GBF1: variants seen among roughly 807,000 people sequenced by gnomAD.
The protein encoded by GBF1 is golgi brefeldin A resistant guanine nucleotide exchange factor 1.
A neutral mutation model predicts 210.5 loss-of-function variants in GBF1; 114 were observed. The ratio of observed to expected loss-of-function variants is 0.54; its 90% CI spans 0.47 to 0.63. GBF1 has a LOEUF of 0.63. GBF1 is among the 30% of genes least tolerant of loss of function. The pLI, the probability that GBF1 is intolerant of heterozygous loss-of-function variation, is 0.00. For synonymous variants in GBF1, 850 were observed against 889.2 expected (o/e 0.96, Z 0.78); for missense variants, 1,851 against 2,357.7 (o/e 0.79, Z 4.45).
At chr10:102,351,195 G>A in intron 4 of GBF1, 61 bp from the exon 5 acceptor site, 1 of 940,360 alleles carries the variant, frequency 1.1e-6, no homozygotes, top group Non-Finnish European at 1.7e-6. Context: ...TAGACAGGCT[G>A]CCTTACCTTT....
At chr10:102,303,300 T>C (rs2077556524) in intron 3 of GBF1, among the ~76,000 whole-genome samples, 1 of 152,184 alleles carries the variant, frequency 6.6e-6, no homozygotes, top group Admixed American at 6.5e-5. Context: ...AATTTTTGTA[T>C]ATGATATGAG....
At chr10:102,368,506 C>T (rs763365062) in intron 22 of GBF1, 52 bp downstream of exon 22, 3 of 1,063,400 alleles carry the variant, frequency 2.8e-6, no homozygotes, top group Admixed American at 3.4e-5. Flanking sequence ...TGTGAGCTAA[C>T]ATGGTTTTCT....
At chr10:102,230,835 G>T in the GBF1 span, 9 of 1,583,478 alleles carry the variant, frequency 5.7e-6, no homozygotes, top group Non-Finnish European at 7.7e-6. Context: ...GCACCATGGA[G>T]GCGGCGATGG....
At chr10:102,258,426 G>T (rs2072725359) in intron 1 of GBF1, among the ~76,000 whole-genome samples, 1 of 149,522 alleles carries the variant, frequency 6.7e-6, no homozygotes, top group Non-Finnish European at 1.5e-5. Flanking sequence ...AAAGTGCTGG[G>T]ATTACAGGCC....
chr10:102,293,764 G>GTATTTTT (rs2076641356), intron 3 of GBF1, among the ~76,000 whole-genome samples: 2 of 50,888 alleles, frequency 3.9e-5, no homozygotes, highest in Non-Finnish European at 8.5e-5. Context: ...GCTGTAGTAT[G>GTATTTTT]TTTTGTGTTT....
intron 3 of GBF1, 43 bp from the exon 4 acceptor site, chr10:102,344,004 GTTTT>G: frequency 6.3e-7 from 1 of 1,575,696 alleles, no homozygotes; most frequent in Non-Finnish European, 8.7e-7. Context: ...CCAGGGTTTA[GTTTT>G]CTCTTAGATG....
At chr10:102,314,726 G>A (rs2078784270) in intron 3 of GBF1, among the ~76,000 whole-genome samples, 1 of 152,158 alleles carries the variant, frequency 6.6e-6, no homozygotes, top group Admixed American at 6.5e-5. Context: ...GTTAGCAGAA[G>A]CATAATTTCT....
rs982149444 is a variant in GBF1, at chr10:102,366,280, C to T, written c.2310-103C>T. The T allele has an allele frequency of 1.4e-5, 17 of 1,254,432 alleles. No individual in the cohort carries two copies. Among genetic ancestry groups the T allele is most frequent in the Non-Finnish European group, 1.8e-5 (16 of 871,680 alleles). 77.7% of individuals were successfully genotyped at this position (1,254,432 alleles called of 1,614,324 possible). On this transcript the variant is annotated intron_variant, in intron 18 of 39. Coordinates refer to ENST00000369983, the MANE Select transcript of GBF1 (RefSeq NM_001377137.1). This position sits in a 1 kb window ranked among gnomAD's most constrained non-coding sequence, Gnocchi z 4.0. ...CTGCCCCTTTACTAGAGACCTCAGC[C>T]TCCTCTCTTCCAGTAAGAGTAGGTT...
chr10:102,378,588 T>C (rs1253508403), intron 33 of GBF1, among the ~76,000 whole-genome samples: 1 of 152,056 alleles, frequency 6.6e-6, no homozygotes, highest in Non-Finnish European at 1.5e-5. Context: ...CAGTGAGCCA[T>C]GATGGTGCCA....
chr10:102,359,563 A>G lies in GBF1; in HGVS notation c.1180+128A>G, dbSNP rs922274542. 5.9e-6 allele frequency: 4 copies of G among 677,946 alleles called. No homozygotes were observed. The Admixed American group carries it at 7.8e-5, about 13-fold the overall frequency. The allele number at this position is 677,946 out of a possible 1,614,324, so 42.0% of individuals were successfully genotyped here. ...TGCTCCAAGTTCTAGGCTATTTTCTAGTCAGGAAATGGAGTCAAGCCATAG... is the reference window on the plus strand; with the variant it reads ...TGCTCCAAGTTCTAGGCTATTTTCTGGTCAGGAAATGGAGTCAAGCCATAG... On this transcript the variant is annotated intron_variant, in intron 11 of 39. Transcript: ENST00000369983.
intron 3 of GBF1, among the ~76,000 whole-genome samples, chr10:102,331,112 A>G (rs2057302897): frequency 1.3e-5 from 2 of 152,126 alleles, no homozygotes; most frequent in Admixed American, 6.5e-5. Context: ...GAAAAAATAT[A>G]TCCTCTTCCT....
chr10:102,357,041 C>T (rs1243838304), intron 8 of GBF1, among the ~76,000 whole-genome samples: 1 of 152,094 alleles, frequency 6.6e-6, no homozygotes, highest in South Asian at 2.1e-4. Flanking sequence ...CAGGTAGTCT[C>T]ATTGATATAA....
chr10:102,240,678 C>T (rs2070510877), upstream of GBF1, among the ~76,000 whole-genome samples: 1 of 152,228 alleles, frequency 6.6e-6, no homozygotes, highest in Non-Finnish European at 1.5e-5. Flanking sequence ...ACATTCTGTC[C>T]GATTCTGAGG....
intron 29 of GBF1, 144 bp downstream of exon 29, chr10:102,371,004 C>A: frequency 1.3e-6 from 1 of 797,552 alleles, no homozygotes; most frequent in Non-Finnish European, 2.0e-6. Flanking sequence ...CTGGTGCAGT[C>A]TAGCGGGTGG....
intron 3 of GBF1, among the ~76,000 whole-genome samples, chr10:102,274,077 C>T (rs2074688035): frequency 6.6e-6 from 1 of 152,042 alleles, no homozygotes; most frequent in Admixed American, 6.6e-5. Flanking sequence ...TTACTATGTG[C>T]CAGGAATGGA....
intron 4 of GBF1, among the ~76,000 whole-genome samples, chr10:102,350,743 A>G (rs2058903589): frequency 6.6e-6 from 1 of 152,148 alleles, no homozygotes; most frequent in South Asian, 2.1e-4. Flanking sequence ...CCAGCAATTG[A>G]GAACCACAGT....
intron 3 of GBF1, among the ~76,000 whole-genome samples, chr10:102,298,323 C>T (rs142823196): frequency 6.6e-6 from 1 of 152,184 alleles, no homozygotes; most frequent in Admixed American, 6.5e-5. Flanking sequence ...GACTAGATGA[C>T]AAGTCGAGTC....
In GBF1 at chr10:102,361,797, A is replaced by G; in HGVS notation, c.1571A>G (p.Glu524Gly). 1.2e-6 allele frequency: 2 copies of G among 1,612,634 alleles called. No homozygotes were observed. Among genetic ancestry groups the G allele is most frequent in the Non-Finnish European group, 1.7e-6 (2 of 1,178,660 alleles). The change falls in exon 14 of 40, where the codon GAG (glutamate) becomes GGG (glycine). Residue 524 changes from glutamate to glycine, a missense_variant. By Grantham distance (98) the Glu-to-Gly change is moderately conservative. This residue lies in a region of GBF1 where 804 missense variants were observed against 958.6 expected (regional missense o/e 0.84). Coordinates refer to ENST00000369983, the MANE Select transcript of GBF1 (RefSeq NM_001377137.1). ...MPYEMKEMAL[E>G]AIVQLWRIPS... ...TATGAGATGAAGGAGATGGCACTGG[A>G]GGCCATTGTGCAGCTCTGGCGCATC...
At chr10:102,340,130 T>C (rs1468484483) in intron 3 of GBF1, among the ~76,000 whole-genome samples, 2 of 151,702 alleles carry the variant, frequency 1.3e-5, no homozygotes, top group African/African-American at 4.8e-5. Flanking sequence ...ATTTTTGTAT[T>C]TTTTGGTAGA....
Sources: gnomAD v4.1 joint callset for allele counts (sites outside exome capture counted in the v4.1 genomes callset) on GRCh38, gnomAD v4.1.1 for gene constraint, gnomAD v4.1.1 regional missense constraint, Gnocchi (gnomAD v3.1) non-coding constraint, MANE v1.5 for transcripts, NCBI Gene and HGNC (gene_info 2026-07-23, HGNC 2026-07-21) for gene names.